ZNF776: variants seen among roughly 807,000 people sequenced by gnomAD.
ZNF776 encodes zinc finger protein 776.
A neutral mutation model predicts 7.0 loss-of-function variants in ZNF776; 4 were observed. The ratio of observed to expected loss-of-function variants is 0.57; its 90% CI spans 0.28 to 1.31. ZNF776 has a LOEUF of 1.31. Ranked by LOEUF, ZNF776 falls within the 50% of genes most tolerant of loss-of-function variation. The pLI is 0.10. For synonymous variants in ZNF776, 212 were observed against 213.7 expected (o/e 0.99, Z 0.07); for missense variants, 555 against 625.9 (o/e 0.89, Z 1.21).
chr19:57,746,907 A>ATCT lies in ZNF776; in HGVS notation c.-152_-151insTCT. 7.4e-6 allele frequency: 5 copies of ATCT among 679,276 alleles called. No homozygotes were observed. Among genetic ancestry groups the ATCT allele is most frequent in the South Asian group, 4.5e-5 (2 of 44,688 alleles). 42.1% of individuals were successfully genotyped at this position (679,276 alleles called of 1,614,324 possible). ...AAGTGACTGAACCCAGAAGGTGGAG[A>ATCT]CGAGACGTTGTCCCGACTGCACAGA... On this transcript the variant is annotated 5_prime_UTR_variant, in exon 1 of 3. Transcript: ENST00000317178.
intron 1 of ZNF776, 130 bp downstream of exon 1, chr19:57,747,221 G>A (rs2074081): frequency 0.15 from 146,749 of 995,648 alleles, 13,383 homozygotes; most frequent in East Asian, 0.43. Context: ...CGCTCTCTAT[G>A]GGCCCCCGTT....
chr19:57,756,395 A>G lies in ZNF776; in HGVS notation c.*1708A>G, dbSNP rs578053314. 2 of 152,452 alleles carry G rather than the reference A, an allele frequency of 1.3e-5. No homozygotes were observed. The highest frequency in any genetic ancestry group is 1.9e-4 in the East Asian group (1 of 5,178). 9.4% of individuals were successfully genotyped at this position (152,452 alleles called of 1,614,324 possible). ...GTATTGACTGTATTGTGTGAATTGT[A>G]TACTCACTGCATTGTGTGGCTTAGA... On this transcript the variant is annotated 3_prime_UTR_variant, in exon 3 of 3. Coordinates refer to ENST00000317178, the MANE Select transcript of ZNF776 (RefSeq NM_173632.4).
Position 57,756,583 on chromosome 19 carries a change from G to C in ZNF776, c.*1896G>C, listed in dbSNP as rs1233211755. The C allele has an allele frequency of 5.8e-6, 1 of 171,108 alleles. No individual in the cohort carries two copies. The highest frequency in any genetic ancestry group is 2.1e-3 in the Middle Eastern group (1 of 468). 10.6% of individuals were successfully genotyped at this position (171,108 alleles called of 1,614,324 possible). ...AAGGCCTCCAAATAAAGACTTCAGG[G>C]CTTTGTGATCTTTATTTTTAGATGA... On this transcript the variant is annotated 3_prime_UTR_variant, in exon 3 of 3. Transcript: ENST00000317178.
In ZNF776 at chr19:57,754,104, G is replaced by T. The variant is rs780150967; in HGVS notation, c.974G>T (p.Cys325Phe). The stretch of plus-strand genomic sequence containing the variant: ...GAAAGACCTTATGAATGTGACGAAT[G>T]TGGGAAATCTTTTAGCCATAAGCGC... ...TGERPYECDE[C>F]GKSFSHKRSL... The change falls in exon 3 of 3, where the codon TGT (cysteine) becomes TTT (phenylalanine). Residue 325 changes from cysteine to phenylalanine, a missense_variant. Transcript: ENST00000317178. 4.3e-6 allele frequency: 7 copies of T among 1,614,086 alleles called. No homozygotes were observed. Among genetic ancestry groups the T allele is most frequent in the Non-Finnish European group, 5.9e-6 (7 of 1,179,998 alleles).
rs1439794681 is a variant in ZNF776, at chr19:57,756,871, G to A, written c.*2184G>A. ...TAATTCTTTAATTTTTATTTTTTTA[G>A]GGAAATGATGTCACTCTGAAACTCA... is the stretch of plus-strand genomic sequence containing the variant. On this transcript the variant is annotated 3_prime_UTR_variant, in exon 3 of 3. Coordinates refer to ENST00000317178, the MANE Select transcript of ZNF776 (RefSeq NM_173632.4). 4.4e-6 allele frequency: 2 copies of A among 455,326 alleles called. No individual in the cohort carries two copies. Among genetic ancestry groups the A allele is most frequent in the Admixed American group, 4.7e-5 (2 of 42,434 alleles). The allele number at this position is 455,326 out of a possible 1,614,324, so 28.2% of individuals were successfully genotyped here. A position where few individuals can be genotyped will look rare whatever the true frequency, so the allele number is the denominator to read the frequency against.
intron 2 of ZNF776, 73 bp from the exon 3 acceptor site, chr19:57,753,218 T>G: frequency 7.2e-7 from 1 of 1,392,152 alleles, no homozygotes; most frequent in Non-Finnish European, 9.9e-7. Flanking sequence ...AAAGCAGCTG[T>G]TGATCAGGTA....
Position 57,754,250 on chromosome 19 carries a change from A to G in ZNF776, c.1120A>G (p.Arg374Gly). The G allele has an allele frequency of 6.2e-7, 1 of 1,614,168 alleles. No homozygotes were observed. The highest frequency in any genetic ancestry group is 8.5e-7 in the Non-Finnish European group (1 of 1,180,012). ...IQHQRVHTGE[R>G]PFECTACGKL... Reference sequence around the variant, plus strand: ...GCATCAGCGAGTTCACACTGGAGAAAGACCTTTTGAGTGTACGGCATGTGG... The same window carrying G: ...GCATCAGCGAGTTCACACTGGAGAAGGACCTTTTGAGTGTACGGCATGTGG... The change falls in exon 3 of 3, where the codon AGA (arginine) becomes GGA (glycine). Residue 374 changes from arginine (R) to glycine (G), a missense_variant. Arg to Gly is a moderately radical substitution (Grantham distance 125). Coordinates refer to ENST00000317178, the MANE Select transcript of ZNF776 (RefSeq NM_173632.4).
rs1480419179 is a variant in ZNF776, at chr19:57,754,675, T to A, written c.1545T>A (p.His515Gln). The A allele has an allele frequency of 5.6e-6, 9 of 1,607,350 alleles. No homozygotes were observed. Among genetic ancestry groups the A allele is most frequent in the Non-Finnish European group, 2.6e-6 (3 of 1,174,850 alleles). Residue 515 changes from histidine to glutamine, a missense_variant, in exon 3 of 3, where the codon CAT becomes CAA. Physicochemically the swap from His to Gln is conservative, Grantham distance 24. Coordinates refer to ENST00000317178, the MANE Select transcript of ZNF776 (RefSeq NM_173632.4). ...KHQRVHTGER[H>Q]HEC ...AACGAGTTCACACGGGAGAAAGACA[T>A]CATGAATGTTGAAAATTTGGCAGAT...
chr19:57,753,552 C>T lies in ZNF776; in HGVS notation c.422C>T (p.Ser141Leu), dbSNP rs767886595. 11 of 1,614,198 alleles carry T rather than the reference C, an allele frequency of 6.8e-6. No individual in the cohort carries two copies. Among genetic ancestry groups the T allele is most frequent in the Middle Eastern group, 1.6e-4 (1 of 6,062 alleles). ...CAGAAGCAGCACATTGGAGAGAAATCGTACAGAAGCAATGCCAAGGGAACA... is the reference window on the plus strand; with the variant it reads ...CAGAAGCAGCACATTGGAGAGAAATTGTACAGAAGCAATGCCAAGGGAACA... ...QDQKQHIGEKSYRSNAKGTSF... is the reference protein window; with the variant it reads ...QDQKQHIGEKLYRSNAKGTSF... Residue 141 changes from serine (S) to leucine (L), a missense_variant, in exon 3 of 3, where the codon TCG becomes TTG. By Grantham distance (145) the Ser-to-Leu change is moderately radical (BLOSUM62 -2). Coordinates refer to ENST00000317178, the MANE Select transcript of ZNF776 (RefSeq NM_173632.4).
intron 2 of ZNF776, 42 bp from the exon 3 acceptor site, chr19:57,753,245 CCCTT>C: frequency 6.4e-7 from 1 of 1,564,810 alleles, no homozygotes; most frequent in East Asian, 2.2e-5. Flanking sequence ...AGTAATACTT[CCCTT>C]CGGAAGTACC....
chr19:57,748,383 G>A (rs1031441168), intron 1 of ZNF776, among the ~76,000 whole-genome samples: 3 of 152,164 alleles, frequency 2.0e-5, no homozygotes, highest in African/African-American at 7.2e-5. Context: ...CAAATATCAG[G>A]ATGACTGTTA....
intron 2 of ZNF776, among the ~76,000 whole-genome samples, chr19:57,752,094 G>C (rs973669018): frequency 2.0e-5 from 3 of 151,890 alleles, no homozygotes; most frequent in Non-Finnish European, 4.4e-5. Context: ...GGATGGTCTC[G>C]ATCTCCTGAC....
In ZNF776 at chr19:57,754,178, T is replaced by C; in HGVS notation, c.1048T>C (p.Cys350Arg). ...TCACACTGGAGAAAGACCTTATCAGTGTGGAGAATGTGGGAAATCGTTTAA... is the reference window on the plus strand; with the variant it reads ...TCACACTGGAGAAAGACCTTATCAGCGTGGAGAATGTGGGAAATCGTTTAA... ...RVHTGERPYQ[C>R]GECGKSFNHK... The change falls in exon 3 of 3, where the codon TGT becomes CGT. Residue 350 changes from cysteine to arginine, a missense_variant. Transcript: ENST00000317178. 6.2e-7 allele frequency: 1 copy of C among 1,614,160 alleles called. No homozygotes were observed. Among genetic ancestry groups the C allele is most frequent in the Non-Finnish European group, 8.5e-7 (1 of 1,179,998 alleles).
At position 57,753,491 on chromosome 19, in the gene ZNF776, A is replaced by G; in HGVS notation, c.361A>G (p.Lys121Glu). The change falls in exon 3 of 3, where the codon AAA (lysine) becomes GAA (glutamate). Residue 121 changes from lysine to glutamate, a missense_variant. Physicochemically the swap from Lys to Glu is moderately conservative, Grantham distance 56. Transcript: ENST00000317178. ...QKLNGFGAYE[K>E]KLDDDANHHQ... is the part of the protein sequence containing the mutation. The stretch of plus-strand genomic sequence containing the variant: ...ATTGAATGGGTTTGGGGCATATGAA[A>G]AAAAATTGGATGACGATGCAAACCA... The G allele has an allele frequency of 6.2e-7, 1 of 1,614,210 alleles. No homozygotes were observed. Among genetic ancestry groups the G allele is most frequent in the Non-Finnish European group, 8.5e-7 (1 of 1,180,020 alleles).
At chr19:57,747,459 C>G (rs1392777294) in intron 1 of ZNF776, among the ~76,000 whole-genome samples, 1 of 152,158 alleles carries the variant, frequency 6.6e-6, no homozygotes, top group African/African-American at 2.4e-5. Flanking sequence ...AGGAAAAGAT[C>G]AATGTCCAGG....
At position 57,757,757 on chromosome 19, in the gene ZNF776, C is replaced by A. The variant is rs1024159111; in HGVS notation, c.*3070C>A. On this transcript the variant is annotated 3_prime_UTR_variant, in exon 3 of 3. Coordinates refer to ENST00000317178, the MANE Select transcript of ZNF776 (RefSeq NM_173632.4). ...GACTAGCCTGGGTCCCATAGTAAGACCCTGTCTCTTAAAAAATAAATACTA... is the reference window on the plus strand; with the variant it reads ...GACTAGCCTGGGTCCCATAGTAAGAACCTGTCTCTTAAAAAATAAATACTA... The A allele has an allele frequency of 2.6e-5, 4 of 152,058 alleles. No individual in the cohort carries two copies. Among genetic ancestry groups the A allele is most frequent in the Admixed American group, 2.6e-4 (4 of 15,260 alleles). The allele number at this position is 152,058 out of a possible 1,614,324, so 9.4% of individuals were successfully genotyped here. A position where few individuals can be genotyped will look rare whatever the true frequency, so the allele number is the denominator to read the frequency against.
chr19:57,753,611 C>T lies in ZNF776; in HGVS notation c.481C>T (p.His161Tyr), dbSNP rs149185851. 1.9e-6 allele frequency: 3 copies of T among 1,614,066 alleles called. No individual in the cohort carries two copies. In the African/African-American group the frequency reaches 4.0e-5, roughly 22 times the overall value. The part of the protein sequence containing the change: ...FVKNCKFHMS[H>Y]EPFIFHEVGK... Reference sequence around the variant, plus strand: ...AAAGAACTGTAAATTCCATATGTCACATGAGCCATTTATCTTTCATGAGGT... The same window carrying T: ...AAAGAACTGTAAATTCCATATGTCATATGAGCCATTTATCTTTCATGAGGT... Residue 161 changes from histidine (H) to tyrosine (Y), a missense_variant, in exon 3 of 3, where the codon CAT becomes TAT. Physicochemically the swap from His to Tyr is moderately conservative, Grantham distance 83. Coordinates refer to ENST00000317178, the MANE Select transcript of ZNF776 (RefSeq NM_173632.4).
At position 57,754,280 on chromosome 19, in the gene ZNF776, T is replaced by C; in HGVS notation, c.1150T>C (p.Leu384=). ...RPFECTACGK[L]FRSNSHLKEH... ...TTTTGAGTGTACGGCATGTGGGAAG[T>C]TATTTAGGAGCAACTCCCACCTAAA... The change falls in exon 3 of 3, where the codon TTA becomes CTA. Residue 384 remains leucine (L), a synonymous_variant. Coordinates refer to ENST00000317178, the MANE Select transcript of ZNF776 (RefSeq NM_173632.4). The C allele has an allele frequency of 6.2e-7, 1 of 1,613,846 alleles. No homozygotes were observed. The highest frequency in any genetic ancestry group is 8.5e-7 in the Non-Finnish European group (1 of 1,179,964).
chr19:57,754,239 A>C lies in ZNF776; in HGVS notation c.1109A>C (p.His370Pro), dbSNP rs1986700647. The change falls in exon 3 of 3, where the codon CAC (histidine) becomes CCC (proline). Residue 370 changes from histidine (H) to proline (P), a missense_variant. His to Pro is a moderately conservative substitution (Grantham distance 77, BLOSUM62 -2). Transcript: ENST00000317178. ...AACCTCATTCAGCATCAGCGAGTTCACACTGGAGAAAGACCTTTTGAGTGT... is the reference window on the plus strand; with the variant it reads ...AACCTCATTCAGCATCAGCGAGTTCCCACTGGAGAAAGACCTTTTGAGTGT... ...KCNLIQHQRV[H>P]TGERPFECTA... 1 of 1,614,140 alleles carries C rather than the reference A, an allele frequency of 6.2e-7. No homozygotes were observed. The highest frequency in any genetic ancestry group is 2.2e-5 in the East Asian group (1 of 44,878).
Sources: allele counts gnomAD v4.1 joint callset (sites outside exome capture counted in the v4.1 genomes callset), GRCh38; gene constraint gnomAD v4.1.1; transcripts MANE v1.5; gene names NCBI Gene and HGNC (gene_info 2026-07-23, HGNC 2026-07-21).